RANBP2: variants seen among roughly 807,000 people sequenced by gnomAD.
RANBP2 encodes RAN binding protein 2.
RANBP2 carries 57 observed loss-of-function variants against 303.6 expected under a neutral mutation model. That is an observed-to-expected ratio of 0.19 (90% CI 0.15 to 0.23). The LOEUF is 0.23. Among genes scored for constraint, RANBP2 ranks in the 10% least tolerant of loss-of-function variants. RANBP2 has a pLI of 1.00. For synonymous variants in RANBP2, 1,167 were observed against 1,301.5 expected, an observed-to-expected ratio of 0.90 and a Z score of 2.23; for missense variants, 3,138 against 3,780.8, an observed-to-expected ratio of 0.83 and a Z score of 4.46.
the RANBP2 span, among the ~76,000 whole-genome samples, chr2:109,586,810 C>G: frequency 6.6e-6 from 1 of 152,160 alleles, no homozygotes; most frequent in East Asian, 1.9e-4. Flanking sequence ...AGGTCCATAA[C>G]TCAGCAATCA....
chr2:109,269,361 C>T, the RANBP2 span, among the ~76,000 whole-genome samples: 9 of 152,242 alleles, frequency 5.9e-5, no homozygotes, highest in African/African-American at 2.2e-4. Flanking sequence ...AGCCTCCCCA[C>T]ACACCGTGTA....
At chr2:108,786,689 G>C (rs1228997811), downstream of RANBP2, 10 of 832,110 alleles carry the variant, frequency 1.2e-5, no homozygotes, top group Admixed American at 6.7e-5. Context: ...GGGTCGCCCC[G>C]CCCCGCCCTT....
the RANBP2 span, among the ~76,000 whole-genome samples, chr2:108,989,672 C>CTGTA: frequency 6.6e-6 from 1 of 152,258 alleles, no homozygotes; most frequent in East Asian, 1.9e-4. Context: ...ACACCTCACA[C>CTGTA]CACCAGTGTA....
At chr2:109,559,538 T>C in the RANBP2 span, among the ~76,000 whole-genome samples, 2 of 152,222 alleles carry the variant, frequency 1.3e-5, no homozygotes, top group African/African-American at 4.8e-5. Context: ...CCTGAAGAAA[T>C]GCTCAGCAAA....
At chr2:109,537,561 A>ATT in the RANBP2 span, among the ~76,000 whole-genome samples, 19 of 150,054 alleles carry the variant, frequency 1.3e-4, no homozygotes, top group African/African-American at 2.9e-4. Flanking sequence ...ATGAGTTTGG[A>ATT]TTTTTTTTTT....
the RANBP2 span, among the ~76,000 whole-genome samples, chr2:109,320,723 A>G: frequency 6.6e-6 from 1 of 152,250 alleles, no homozygotes; most frequent in Non-Finnish European, 1.5e-5. Flanking sequence ...CCGCAGATGA[A>G]CAGACAAGTA....
At chr2:109,058,280 G>A in the RANBP2 span, among the ~76,000 whole-genome samples, 31 of 152,326 alleles carry the variant, frequency 2.0e-4, no homozygotes, top group South Asian at 8.3e-4. Flanking sequence ...AGTGTGGAGA[G>A]GGTACTGACT....
the RANBP2 span, among the ~76,000 whole-genome samples, chr2:109,703,865 T>C: frequency 2.0e-5 from 3 of 152,216 alleles, no homozygotes; most frequent in Non-Finnish European, 4.4e-5. Context: ...TGCCCAAAAG[T>C]GGAGGTTGTC....
At chr2:109,442,892 C>G in the RANBP2 span, among the ~76,000 whole-genome samples, 1 of 152,138 alleles carries the variant, frequency 6.6e-6, no homozygotes, top group Admixed American at 6.5e-5. Flanking sequence ...CTAAATAACC[C>G]TAAATATAAT....
the RANBP2 span, among the ~76,000 whole-genome samples, chr2:109,149,019 C>CCCCA: frequency 6.6e-6 from 1 of 151,948 alleles, no homozygotes; most frequent in South Asian, 2.1e-4. Context: ...ACTGCAGATC[C>CCCCA]CCCTTTCTCT....
chr2:109,260,111 TC>T, the RANBP2 span, among the ~76,000 whole-genome samples: 1,298 of 152,300 alleles, frequency 8.5e-3, 16 homozygotes, highest in African/African-American at 0.03. Context: ...CTCTCTGGGA[TC>T]TTTTCATTTT....
the RANBP2 span, among the ~76,000 whole-genome samples, chr2:109,629,075 G>A: frequency 2.2e-4 from 34 of 151,698 alleles, no homozygotes; most frequent in African/African-American, 6.5e-4. Flanking sequence ...GGTGGTGGAT[G>A]CCTGTAATCC....
chr2:109,534,895 G>T, the RANBP2 span, among the ~76,000 whole-genome samples: 22 of 152,254 alleles, frequency 1.4e-4, no homozygotes, highest in Admixed American at 5.9e-4. Context: ...TTGGGAGAGT[G>T]GTGGTGGACA....
the RANBP2 span, among the ~76,000 whole-genome samples, chr2:109,685,348 C>T: frequency 6.6e-6 from 1 of 152,156 alleles, no homozygotes; most frequent in East Asian, 1.9e-4. Context: ...AGAATAGAAT[C>T]CCTGAATCTA....
At chr2:109,642,227 T>C in the RANBP2 span, among the ~76,000 whole-genome samples, 32 of 152,162 alleles carry the variant, frequency 2.1e-4, no homozygotes, top group Non-Finnish European at 3.8e-4. Context: ...CTGGCTGCTT[T>C]CAGCTTTATT....
chr2:109,154,970 A>G, the RANBP2 span, among the ~76,000 whole-genome samples: 1 of 152,178 alleles, frequency 6.6e-6, no homozygotes, highest in Non-Finnish European at 1.5e-5. Context: ...ATTTCAGGAC[A>G]TGTTGGATTG....
the RANBP2 span, among the ~76,000 whole-genome samples, chr2:108,994,740 A>G: frequency 2.0e-5 from 3 of 151,264 alleles, no homozygotes; most frequent in African/African-American, 7.3e-5. Flanking sequence ...GATATCTAAA[A>G]GCAGGGAAGT....
At chr2:108,945,354 C>A in the RANBP2 span, among the ~76,000 whole-genome samples, 1 of 152,110 alleles carries the variant, frequency 6.6e-6, no homozygotes. Context: ...ATTTATTTAT[C>A]CCCATGCCAA....
chr2:109,243,526 G>C, the RANBP2 span, among the ~76,000 whole-genome samples: 1 of 152,176 alleles, frequency 6.6e-6, no homozygotes, highest in Non-Finnish European at 1.5e-5. Flanking sequence ...AGATGGGGCA[G>C]GTGACATACA....
Sources: gnomAD v4.1 joint callset for allele counts (sites outside exome capture counted in the v4.1 genomes callset) on GRCh38, gnomAD v4.1.1 for gene constraint, MANE v1.5 for transcripts, NCBI Gene and HGNC (gene_info 2026-07-23, HGNC 2026-07-21) for gene names.